ZNF354A: variants seen among roughly 807,000 people sequenced by gnomAD.
ZNF354A encodes the protein zinc finger protein 354A, also known as epididymis luminal protein 104.
Under a neutral mutation model 53.3 loss-of-function variants are expected in ZNF354A, and 25 were observed. That is an observed-to-expected ratio of 0.47 (90% CI 0.34 to 0.66). The LOEUF (loss-of-function observed/expected upper bound fraction) is 0.66, where lower values mean the gene tolerates loss of function less well. Ranked by LOEUF, ZNF354A falls within the 30% of genes least tolerant of loss-of-function variation. ZNF354A has a pLI of 0.01. For synonymous variants in ZNF354A, 228 were observed against 249.0 expected, an observed-to-expected ratio of 0.92 and a Z score of 0.79; for missense variants, 586 against 716.8, an observed-to-expected ratio of 0.82 and a Z score of 2.08.
chr5:178,711,940 C>T lies in ZNF354A; in HGVS notation c.*120G>A. On this transcript the variant is annotated 3_prime_UTR_variant, in exon 5 of 5. Coordinates refer to ENST00000335815, the MANE Select transcript of ZNF354A (RefSeq NM_005649.3). ...TGAGGTTTATCCATGGAATTAAATA[C>T]CTAATGAGGGCTAAATTATTACAGT... The T allele has an allele frequency of 2.4e-6, 3 of 1,265,718 alleles. No homozygotes were observed. The highest frequency in any genetic ancestry group is 3.2e-6 in the Non-Finnish European group (3 of 932,694). The allele number at this position is 1,265,718 out of a possible 1,614,324, so 78.4% of individuals were successfully genotyped here. A position where few individuals can be genotyped will look rare whatever the true frequency, so the allele number is the denominator to read the frequency against.
intron 4 of ZNF354A, 31 bp downstream of exon 4, chr5:178,725,345 G>A (rs773604872): frequency 1.5e-5 from 24 of 1,599,874 alleles, no homozygotes; most frequent in East Asian, 4.5e-5. Flanking sequence ...CATTGTCTGC[G>A]GCCATTCCGC....
At chr5:178,717,725 G>C (rs1765740261) in intron 4 of ZNF354A, among the ~76,000 whole-genome samples, 1 of 152,136 alleles carries the variant, frequency 6.6e-6, no homozygotes, top group Non-Finnish European at 1.5e-5. Flanking sequence ...CTGAAGAACT[G>C]AAAGGAATCA....
chr5:178,728,826 G>C (rs1286299036), intron 2 of ZNF354A, among the ~76,000 whole-genome samples, 164 bp downstream of exon 2: 1 of 144,086 alleles, frequency 6.9e-6, no homozygotes, highest in African/African-American at 2.7e-5. Context: ...CGGGTGGGGA[G>C]GGTGGGTGGT....
intron 3 of ZNF354A, chr5:178,725,946 C>T (rs1765897173): frequency 3.8e-6 from 1 of 261,522 alleles, no homozygotes; most frequent in African/African-American, 2.3e-5. Flanking sequence ...CTCCCGGGTT[C>T]AAGTGATTTT....
At chr5:178,715,450 C>T (rs1175530986) in intron 4 of ZNF354A, among the ~76,000 whole-genome samples, 1 of 151,928 alleles carries the variant, frequency 6.6e-6, no homozygotes. Context: ...TGCCTTATAT[C>T]TTTATACTAT....
Position 178,713,533 on chromosome 5 carries a change from A to G in ZNF354A, c.345T>C (p.Asn115=). The change falls in exon 5 of 5, where the codon AAT becomes AAC. Residue 115 remains asparagine (N), a synonymous_variant. Coordinates refer to ENST00000335815, the MANE Select transcript of ZNF354A (RefSeq NM_005649.3). Reference sequence around the variant, plus strand: ...TTTCTAATTTCAAATCCCAAGGTACATTCCTGTTGGATCTTTTCAGTATCA... The same window carrying G: ...TTTCTAATTTCAAATCCCAAGGTACGTTCCTGTTGGATCTTTTCAGTATCA... The part of the protein sequence containing the change: ...QGLILKRSNR[N]VPWDLKLEKP... 4 of 1,612,332 alleles carry G rather than the reference A, an allele frequency of 2.5e-6. No homozygotes were observed. The highest frequency in any genetic ancestry group is 2.2e-5 in the South Asian group (2 of 90,840).
intron 4 of ZNF354A, among the ~76,000 whole-genome samples, chr5:178,718,107 A>G (rs1360103502): frequency 6.6e-6 from 1 of 152,198 alleles, no homozygotes; most frequent in Non-Finnish European, 1.5e-5. Context: ...TCAATTCTGG[A>G]AAACTCATCC....
intron 4 of ZNF354A, among the ~76,000 whole-genome samples, chr5:178,714,738 TATAC>T (rs1295095765): frequency 3.3e-5 from 5 of 152,020 alleles, no homozygotes; most frequent in African/African-American, 1.2e-4. Context: ...GCACATGTGT[TATAC>T]ATACATACAC....
At chr5:178,722,876 A>C (rs1765836389) in intron 4 of ZNF354A, among the ~76,000 whole-genome samples, 1 of 152,174 alleles carries the variant, frequency 6.6e-6, no homozygotes, top group African/African-American at 2.4e-5. Context: ...GTGTCAGATG[A>C]TCTGTGCCTG....
At position 178,712,973 on chromosome 5, in the gene ZNF354A, T is replaced by G; in HGVS notation, c.905A>C (p.Glu302Ala). Residue 302 changes from glutamate to alanine, a missense_variant, in exon 5 of 5, where the codon GAA becomes GCA. Transcript: ENST00000335815. ...CCTTCGGCTGAAGGATTTACCACAT[T>G]CTTTACATCTGTAGGATTTCTCCAC... ...HTVEKSYRCKECGKSFSRRSG... is the reference protein window; with the variant it reads ...HTVEKSYRCKACGKSFSRRSG... The G allele has an allele frequency of 6.2e-7, 1 of 1,614,160 alleles. No individual in the cohort carries two copies. The highest frequency in any genetic ancestry group is 8.5e-7 in the Non-Finnish European group (1 of 1,180,016).
intron 4 of ZNF354A, among the ~76,000 whole-genome samples, chr5:178,717,959 A>T (rs1765744815): frequency 6.6e-6 from 1 of 152,186 alleles, no homozygotes. Context: ...GAGTGCATGG[A>T]GGAAACAATG....
At chr5:178,720,671 A>G (rs1765797093) in intron 4 of ZNF354A, among the ~76,000 whole-genome samples, 1 of 152,236 alleles carries the variant, frequency 6.6e-6, no homozygotes, top group South Asian at 2.1e-4. Context: ...TACTGTTTTA[A>G]GCCACGAAGC....
chr5:178,718,810 G>A (rs1231337306), intron 4 of ZNF354A, among the ~76,000 whole-genome samples: 2 of 151,970 alleles, frequency 1.3e-5, no homozygotes, highest in Non-Finnish European at 2.9e-5. Flanking sequence ...ATAGCTCACT[G>A]CAGCCTCAAA....
chr5:178,722,095 C>T (rs1765823675), intron 4 of ZNF354A, among the ~76,000 whole-genome samples: 2 of 152,156 alleles, frequency 1.3e-5, no homozygotes, highest in African/African-American at 4.8e-5. Flanking sequence ...TTACAGTACG[C>T]TTTTACCTGT....
intron 1 of ZNF354A, among the ~76,000 whole-genome samples, chr5:178,729,654 G>A (rs1401340305): frequency 3.9e-5 from 6 of 152,114 alleles, no homozygotes; most frequent in African/African-American, 1.2e-4. Flanking sequence ...TGCCTCCCGG[G>A]TTCAAGCCAT....
Position 178,713,438 on chromosome 5 carries a change from G to A in ZNF354A, c.440C>T (p.Ala147Val), listed in dbSNP as rs767755392. The A allele has an allele frequency of 6.2e-7, 1 of 1,613,384 alleles. No individual in the cohort carries two copies. The highest frequency in any genetic ancestry group is 1.7e-5 in the Admixed American group (1 of 59,830). ...DKKGSFQIVS[A>V]THKKIPTIER... ...TATAGTGGGGATTTTTTTGTGGGTG[G>A]CTGAAACTATCTGAAAACTTCCCTT... Residue 147 changes from alanine to valine, a missense_variant, in exon 5 of 5, where the codon GCC becomes GTC. This residue lies in a region of ZNF354A where 573 missense variants were observed against 680.1 expected (regional missense o/e 0.84). Coordinates refer to ENST00000335815, the MANE Select transcript of ZNF354A (RefSeq NM_005649.3).
At chr5:178,726,584 G>A (rs1765913205) in intron 3 of ZNF354A, among the ~76,000 whole-genome samples, 2 of 152,208 alleles carry the variant, frequency 1.3e-5, no homozygotes, top group South Asian at 4.1e-4. Context: ...ACAGGTGTGA[G>A]CCACCATGCC....
Position 178,720,956 on chromosome 5 carries a change from G to A in ZNF354A, c.256+4420C>T, listed in dbSNP as rs1765802347. Among the ~76,000 whole-genome samples, 6 of 152,156 alleles carry A rather than the reference G, an allele frequency of 3.9e-5. No homozygotes were observed. The South Asian group carries it at 1.2e-3, about 32-fold the overall frequency. On this transcript the variant is annotated intron_variant, in intron 4 of 4. Transcript: ENST00000335815. ...ACCAACCTGGAACACAATTAGGGTT[G>A]TTTCATTCTGCTTTCAATATGTAGG...
chr5:178,730,349 G>A (rs1161534085), intron 1 of ZNF354A, among the ~76,000 whole-genome samples: 2 of 152,082 alleles, frequency 1.3e-5, no homozygotes, highest in Non-Finnish European at 2.9e-5. Context: ...CAGGCCCGGC[G>A]TCCACGGCGA....
Sources: allele counts gnomAD v4.1 joint callset (sites outside exome capture counted in the v4.1 genomes callset), GRCh38; gene constraint gnomAD v4.1.1; regional missense constraint gnomAD v4.1.1; transcripts MANE v1.5; gene names NCBI Gene and HGNC (gene_info 2026-07-23, HGNC 2026-07-21).